ROCK2: variants seen among roughly 807,000 people sequenced by gnomAD.
The protein encoded by ROCK2 is Rho associated coiled-coil containing protein kinase 2.
ROCK2 carries 61 observed loss-of-function variants against 195.1 expected under a neutral mutation model. That is an observed-to-expected ratio of 0.31 (90% CI 0.25 to 0.39). The LOEUF (loss-of-function observed/expected upper bound fraction) is 0.39, where lower values mean the gene tolerates loss of function less well. Ranked by LOEUF, ROCK2 falls within the 10% of genes least tolerant of loss-of-function variation. ROCK2 has a pLI of 1.00. For synonymous variants in ROCK2, 504 were observed against 545.5 expected (o/e 0.92, Z 1.06); for missense variants, 1,109 against 1,637.4 (o/e 0.68, Z 5.57).
At chr2:11,240,854 C>T (rs1051256760) in intron 4 of ROCK2, among the ~76,000 whole-genome samples, 5 of 152,084 alleles carry the variant, frequency 3.3e-5, no homozygotes, top group Non-Finnish European at 7.4e-5. Flanking sequence ...GTTATTATAC[C>T]TCAATAAAAT....
At chr2:11,287,026 C>G (rs1667217806) in intron 2 of ROCK2, among the ~76,000 whole-genome samples, 1 of 152,076 alleles carries the variant, frequency 6.6e-6, no homozygotes, top group Non-Finnish European at 1.5e-5. Context: ...ATTTTGATGG[C>G]CTACTTCTCT....
intron 3 of ROCK2, among the ~76,000 whole-genome samples, chr2:11,261,447 A>G (rs1004137720): frequency 2.0e-5 from 3 of 152,086 alleles, no homozygotes; most frequent in African/African-American, 7.2e-5. Context: ...CTTCTCCTTT[A>G]TTCAATACAG....
At chr2:11,204,272 T>A (rs1049391072) in intron 20 of ROCK2, among the ~76,000 whole-genome samples, 1 of 152,098 alleles carries the variant, frequency 6.6e-6, no homozygotes, top group Non-Finnish European at 1.5e-5. Context: ...CCTCCCAATA[T>A]AGTTGTATCA....
chr2:11,221,445 A>G, intron 8 of ROCK2, 88 bp from the exon 9 acceptor site: 1 of 936,740 alleles, frequency 1.1e-6, no homozygotes. Context: ...TTTATTATTT[A>G]ATAACACTAT....
At chr2:11,334,285 G>A (rs1347663654) in intron 1 of ROCK2, among the ~76,000 whole-genome samples, 2 of 152,170 alleles carry the variant, frequency 1.3e-5, no homozygotes, top group African/African-American at 4.8e-5. Flanking sequence ...GGCCAAGGTG[G>A]GCGGATCACA....
chr2:11,256,561 A>G (rs1397160244), intron 3 of ROCK2, among the ~76,000 whole-genome samples: 1 of 150,508 alleles, frequency 6.6e-6, no homozygotes, highest in African/African-American at 2.5e-5. Context: ...ACTAATACAT[A>G]TATCTAATAT....
chr2:11,195,909 T>C (rs148750560), intron 27 of ROCK2, among the ~76,000 whole-genome samples: 2 of 152,232 alleles, frequency 1.3e-5, no homozygotes. Flanking sequence ...AACATTGTAA[T>C]TCAACTAAGG....
intron 20 of ROCK2, among the ~76,000 whole-genome samples, chr2:11,202,861 T>C (rs570980702): frequency 6.6e-5 from 10 of 152,156 alleles, no homozygotes; most frequent in Non-Finnish European, 1.5e-4. Flanking sequence ...TAAATCAACA[T>C]TGAATCACAC....
chr2:11,273,094 CAAAAAAAA>C (rs34784074), intron 3 of ROCK2, among the ~76,000 whole-genome samples: 3 of 21,758 alleles, frequency 1.4e-4, no homozygotes, highest in Non-Finnish European at 8.9e-5. Context: ...AAATAAGGGT[CAAAAAAAA>C]AAAAAAAAAA....
chr2:11,344,166 C>A lies in ROCK2; in HGVS notation c.-30G>T. ...CCACCGCTGGACCCGCACTCAGGCT[C>A]CTCGCGCTCAGGTCCCGCAGCCTCG... On this transcript the variant is annotated 5_prime_UTR_variant, in exon 1 of 33. Coordinates refer to ENST00000315872, the MANE Select transcript of ROCK2 (RefSeq NM_004850.5). This position sits in a 1 kb window ranked among gnomAD's most constrained non-coding sequence, Gnocchi z 5.4. 2.9e-6 allele frequency: 4 copies of A among 1,397,020 alleles called. No homozygotes were observed. The highest frequency in any genetic ancestry group is 3.7e-6 in the Non-Finnish European group (4 of 1,079,748). The allele number at this position is 1,397,020 out of a possible 1,614,324, so 86.5% of individuals were successfully genotyped here. A position where few individuals can be genotyped will look rare whatever the true frequency, so the allele number is the denominator to read the frequency against.
In ROCK2 at chr2:11,222,134, G is replaced by C; in HGVS notation, c.1048C>G (p.Gln350Glu). 6.2e-7 allele frequency: 1 copy of C among 1,611,044 alleles called. No individual in the cohort carries two copies. Among genetic ancestry groups the C allele is most frequent in the Non-Finnish European group, 8.5e-7 (1 of 1,177,724 alleles). ...LGRNGVEEIR[Q>E]HPFFKNDQWH... ...TGATCATTCTTAAAGAAAGGATGCT[G>C]TCTGATTTCTTCCACCCCATTTCTC... The change falls in exon 8 of 33, where the codon CAG becomes GAG. Residue 350 changes from glutamine (Q) to glutamate (E), a missense_variant. Physicochemically the swap from Gln to Glu is conservative, Grantham distance 29. This residue lies in a region of ROCK2 where 253 missense variants were observed against 455.5 expected (regional missense o/e 0.56). Transcript: ENST00000315872.
chr2:11,308,438 G>A (rs1014128965), intron 1 of ROCK2: 10 of 1,606,544 alleles, frequency 6.2e-6, no homozygotes, highest in Middle Eastern at 4.5e-4. Flanking sequence ...AGAGGGTGGT[G>A]CTGGAGCAGG....
At chr2:11,322,680 A>G (rs1251647904) in intron 1 of ROCK2, among the ~76,000 whole-genome samples, 1 of 152,180 alleles carries the variant, frequency 6.6e-6, no homozygotes, top group African/African-American at 2.4e-5. Context: ...TTCCCAAACT[A>G]TAACTTCTTA....
chr2:11,315,211 C>T (rs1668154005), intron 1 of ROCK2, among the ~76,000 whole-genome samples: 1 of 152,068 alleles, frequency 6.6e-6, no homozygotes, highest in Non-Finnish European at 1.5e-5. Flanking sequence ...TAGAGATGTA[C>T]CCTTGTAATC....
intron 15 of ROCK2, 76 bp from the exon 16 acceptor site, chr2:11,215,162 C>T: frequency 1.3e-6 from 2 of 1,542,960 alleles, no homozygotes. Context: ...ATGTATTCCC[C>T]CATTAGAAAC....
intron 32 of ROCK2, among the ~76,000 whole-genome samples, chr2:11,191,417 A>C (rs1439146905): frequency 6.6e-6 from 1 of 152,130 alleles, no homozygotes; most frequent in Non-Finnish European, 1.5e-5. Flanking sequence ...CACTTTACCC[A>C]TTAGCTAATA....
intron 3 of ROCK2, among the ~76,000 whole-genome samples, chr2:11,259,714 G>A (rs767924566): frequency 6.6e-6 from 1 of 151,106 alleles, no homozygotes; most frequent in Admixed American, 6.6e-5. Flanking sequence ...GTCCTATTTG[G>A]CACTACTTTT....
intron 32 of ROCK2, among the ~76,000 whole-genome samples, chr2:11,190,365 T>TA (rs1663373148): frequency 6.2e-5 from 9 of 145,126 alleles, no homozygotes; most frequent in African/African-American, 2.1e-4. Flanking sequence ...CAGAAGTTTT[T>TA]TAAAAAAAAA....
At chr2:11,203,813 T>G (rs1425619145) in intron 20 of ROCK2, among the ~76,000 whole-genome samples, 1 of 152,204 alleles carries the variant, frequency 6.6e-6, no homozygotes, top group Non-Finnish European at 1.5e-5. Context: ...AGATGCAATT[T>G]AACAAATATA....
Sources: gnomAD v4.1 joint callset for allele counts (sites outside exome capture counted in the v4.1 genomes callset) on GRCh38, gnomAD v4.1.1 for gene constraint, gnomAD v4.1.1 regional missense constraint, Gnocchi (gnomAD v3.1) non-coding constraint, MANE v1.5 for transcripts, NCBI Gene and HGNC (gene_info 2026-07-23, HGNC 2026-07-21) for gene names.